Variants in KMT2E observed in about 807,000 individuals in gnomAD.
KMT2E encodes the protein lysine methyltransferase 2E (inactive).
KMT2E carries 30 observed loss-of-function variants against 184.6 expected under a neutral mutation model. The observed-to-expected ratio is 0.16, with a 90% confidence interval of 0.12 to 0.22. The LOEUF is 0.22. Among genes scored for constraint, KMT2E ranks in the 10% least tolerant of loss-of-function variants. The pLI is 1.00. For synonymous variants in KMT2E, 815 were observed against 776.5 expected (o/e 1.05, Z -0.82); for missense variants, 2,023 against 2,237.4 (o/e 0.90, Z 1.93).
intron 15 of KMT2E, among the ~76,000 whole-genome samples, chr7:105,097,912 T>G (rs1311070927): frequency 1.3e-5 from 2 of 152,134 alleles, no homozygotes; most frequent in Non-Finnish European, 2.9e-5. Context: ...GAAGGAAAGG[T>G]CACTGCTCTG....
Position 105,113,042 on chromosome 7 carries a change from C to T in KMT2E, c.5286C>T (p.Pro1762=). Residue 1762 remains proline, a synonymous_variant, in exon 27 of 27, where the codon CCC becomes CCT. Coordinates refer to ENST00000311117, the MANE Select transcript of KMT2E (RefSeq NM_182931.3). Reference sequence around the variant, plus strand: ...CTCATCCAACTGTACCACCGTATCCCTCACAAGCTACACATCATACCACTT... The same window carrying T: ...CTCATCCAACTGTACCACCGTATCCTTCACAAGCTACACATCATACCACTT... ...SSAHPTVPPY[P]SQATHHTTLG... 3.7e-6 allele frequency: 6 copies of T among 1,614,130 alleles called. No homozygotes were observed. The highest frequency in any genetic ancestry group is 5.1e-6 in the Non-Finnish European group (6 of 1,180,022).
At chr7:105,015,953 A>G (rs377744205) in intron 1 of KMT2E, among the ~76,000 whole-genome samples, 1 of 151,828 alleles carries the variant, frequency 6.6e-6, no homozygotes, top group African/African-American at 2.4e-5. Context: ...AGTGGTGATG[A>G]TGGGTGCGCT....
At chr7:105,054,215 G>A (rs1796467743) in intron 3 of KMT2E, among the ~76,000 whole-genome samples, 1 of 151,298 alleles carries the variant, frequency 6.6e-6, no homozygotes, top group Non-Finnish European at 1.5e-5. Flanking sequence ...AAGAAAGGCT[G>A]CAGAGAATTA....
rs992439888 is a variant in KMT2E, at chr7:105,069,033, C to T, written c.497+2226C>T. Among the ~76,000 whole-genome samples the T allele has an allele frequency of 4.1e-4, 63 of 152,028 alleles. 1 individual carries two copies. The highest frequency in any genetic ancestry group is 1.5e-3 in the African/African-American group (63 of 41,386). ...GGTTATCAAGTCCTTTAAACAACAC[C>T]CTAGTGGTACTTCATGGCAAAGAAG... On this transcript the variant is annotated intron_variant, in intron 6 of 26. Transcript: ENST00000311117.
At chr7:105,108,074 T>A (rs1274523282) in intron 22 of KMT2E, 149 bp downstream of exon 22, 8 of 561,334 alleles carry the variant, frequency 1.4e-5, no homozygotes, top group Non-Finnish European at 5.5e-6. Flanking sequence ...CTTTTGTAAA[T>A]GCTGGCTTAA....
At chr7:105,064,160 C>G (rs879214677) in intron 5 of KMT2E, 2 of 43,430 alleles carry the variant, frequency 4.6e-5, no homozygotes, top group Non-Finnish European at 1.0e-4. Flanking sequence ...ATTTTTTTTT[C>G]TTGGTTTTTT....
chr7:105,048,904 G>A (rs1796215493), intron 3 of KMT2E, among the ~76,000 whole-genome samples: 2 of 152,140 alleles, frequency 1.3e-5, no homozygotes, highest in Non-Finnish European at 2.9e-5. Flanking sequence ...TGTTTCCAAC[G>A]AAGAGTACTA....
chr7:105,107,103 AATT>A, intron 20 of KMT2E, 60 bp from the exon 21 acceptor site: 6 of 886,306 alleles, frequency 6.8e-6, no homozygotes, highest in Non-Finnish European at 1.0e-5. Context: ...TCATTTCTAT[AATT>A]ATTATGGATA....
At chr7:105,063,944 T>C (rs1796922045) in intron 5 of KMT2E, 2 of 451,822 alleles carry the variant, frequency 4.4e-6, no homozygotes, top group East Asian at 7.0e-5. Flanking sequence ...TCAACTGTGA[T>C]TTTCCAGTTT....
At position 105,059,978 on chromosome 7, in the gene KMT2E, G is replaced by GTTTTTTTTT. The variant is rs67291226; in HGVS notation, c.72-2161_72-2153dup. Among the ~76,000 whole-genome samples, 280 of 51,782 alleles carry GTTTTTTTTT rather than the reference G, an allele frequency of 5.4e-3. 62 individuals are homozygous for GTTTTTTTTT. Among genetic ancestry groups the GTTTTTTTTT allele is most frequent in the Non-Finnish European group, 7.5e-3 (186 of 24,938 alleles). 34.0% of individuals were successfully genotyped at this position (51,782 alleles called of 152,430 possible). ...GCTGAATATTGATTTTCTTGTTGTTGTTTTTTTTTTTTTTTTTTTTTTTTT... is the reference window on the plus strand; with the variant it reads ...GCTGAATATTGATTTTCTTGTTGTTGTTTTTTTTTTTTTTTTTTTTTTTTTTTTTTTTTT... On this transcript the variant is annotated intron_variant, in intron 3 of 26. Transcript: ENST00000311117.
At chr7:105,040,094 T>G (rs989244095) in intron 2 of KMT2E, among the ~76,000 whole-genome samples, 1 of 152,134 alleles carries the variant, frequency 6.6e-6, no homozygotes, top group African/African-American at 2.4e-5. Context: ...AGAGAACTCC[T>G]TCAACAGTAT....
At chr7:105,070,632 CAAAAA>C (rs57911728) in intron 6 of KMT2E, among the ~76,000 whole-genome samples, 5 of 59,514 alleles carry the variant, frequency 8.4e-5, no homozygotes, top group South Asian at 1.5e-3. Flanking sequence ...GACTGTGTCT[CAAAAA>C]AAAAAAAAAA....
At chr7:105,085,234 A>G (rs1267892388) in intron 13 of KMT2E, among the ~76,000 whole-genome samples, 1 of 152,222 alleles carries the variant, frequency 6.6e-6, no homozygotes, top group Non-Finnish European at 1.5e-5. Context: ...TTAAAAATTT[A>G]ATAGAAAAAT....
At chr7:105,085,874 G>A (rs925737828) in intron 13 of KMT2E, among the ~76,000 whole-genome samples, 11 of 151,898 alleles carry the variant, frequency 7.2e-5, no homozygotes, top group South Asian at 2.1e-4. Flanking sequence ...GGGTTTCACC[G>A]TGTTAGCCAG....
chr7:105,107,168 T>C lies in KMT2E; in HGVS notation c.2850T>C (p.Asn950=), dbSNP rs745863105. ...GTPGNTMHFE[N]ISSPESSPEI... ...TCTAATTCTTTCTTTATATACAGAA[T>C]ATTTCTTCCCCAGAAAGTTCTCCAG... The change falls in exon 21 of 27, where the codon AAT becomes AAC. Residue 950 remains asparagine (N), a splice_region_variant and synonymous_variant. Transcript: ENST00000311117. 1.4e-6 allele frequency: 2 copies of C among 1,478,604 alleles called. No individual in the cohort carries two copies. The highest frequency in any genetic ancestry group is 2.8e-5 in the African/African-American group (2 of 71,226). 91.6% of individuals were successfully genotyped at this position (1,478,604 alleles called of 1,614,324 possible).
chr7:105,104,913 A>C (rs1453336330), intron 17 of KMT2E: 1 of 152,438 alleles, frequency 6.6e-6, no homozygotes, highest in African/African-American at 2.4e-5. Context: ...TCACACCTGT[A>C]AACTCAGCAC....
intron 15 of KMT2E, among the ~76,000 whole-genome samples, chr7:105,096,259 A>T (rs1176968168): frequency 6.6e-6 from 1 of 151,486 alleles, no homozygotes; most frequent in Non-Finnish European, 1.5e-5. Flanking sequence ...AAAAAAAAAA[A>T]AAAAAAAAAA....
In KMT2E at chr7:105,113,079, C is replaced by G. The variant is rs141008044; in HGVS notation, c.5323C>G (p.Pro1775Ala). 93 of 1,614,030 alleles carry G rather than the reference C, an allele frequency of 5.8e-5. No homozygotes were observed. Among genetic ancestry groups the G allele is most frequent in the Non-Finnish European group, 7.8e-5 (92 of 1,180,038 alleles). Residue 1775 changes from proline (P) to alanine (A), a missense_variant, in exon 27 of 27, where the codon CCC (proline) becomes GCC (alanine). Coordinates refer to ENST00000311117, the MANE Select transcript of KMT2E (RefSeq NM_182931.3). The stretch of plus-strand genomic sequence containing the variant: ...ACATCATACCACTTTGGGACCGGGA[C>G]CCCAGCACCAGCCTTCTGGAACAGG... The part of the protein sequence containing the change: ...ATHHTTLGPG[P>A]QHQPSGTGPH...
In KMT2E at chr7:105,090,140, A is replaced by G; in HGVS notation, c.1490A>G (p.Asp497Gly). The change falls in exon 14 of 27, where the codon GAT (aspartate) becomes GGT (glycine). Residue 497 changes from aspartate to glycine, a missense_variant. Asp to Gly is a moderately conservative substitution (Grantham distance 94, BLOSUM62 -1). Around this residue, in one of 8 missense-constraint regions of KMT2E, gnomAD observed 514 missense variants for 621.8 expected, o/e 0.83. Coordinates refer to ENST00000311117, the MANE Select transcript of KMT2E (RefSeq NM_182931.3). ...TRRKKGKKDK[D>G]ISKEKDTQNQ... Reference sequence around the variant, plus strand: ...CGGAAAAAAGGAAAAAAAGACAAAGATATTTCAAAAGAAAAAGATACACAA... The same window carrying G: ...CGGAAAAAAGGAAAAAAAGACAAAGGTATTTCAAAAGAAAAAGATACACAA... 1.2e-6 allele frequency: 2 copies of G among 1,613,292 alleles called. No homozygotes were observed. The highest frequency in any genetic ancestry group is 1.7e-6 in the Non-Finnish European group (2 of 1,179,598).
Sources: gnomAD v4.1 joint callset for allele counts (sites outside exome capture counted in the v4.1 genomes callset) on GRCh38, gnomAD v4.1.1 for gene constraint, gnomAD v4.1.1 regional missense constraint, MANE v1.5 for transcripts, NCBI Gene and HGNC (gene_info 2026-07-23, HGNC 2026-07-21) for gene names.